The following CARF variants were observed in gnomAD, a reference collection of about 807,000 sequenced individuals.
CARF encodes calcium responsive transcription factor.
A neutral mutation model predicts 82.0 loss-of-function variants in CARF; 57 were observed. The observed-to-expected ratio is 0.70, with a 90% CI of 0.56 to 0.87. CARF has a LOEUF of 0.87. Ranked by LOEUF, CARF falls within the 40% of genes least tolerant of loss-of-function variation. The pLI is 0.00. For synonymous variants in CARF, 268 were observed against 290.1 expected (o/e 0.92, Z 0.77); for missense variants, 771 against 855.8 (o/e 0.90, Z 1.24).
At chr2:202,977,646 A>C (rs1400003315) in intron 14 of CARF, among the ~76,000 whole-genome samples, 2 of 152,102 alleles carry the variant, frequency 1.3e-5, no homozygotes, top group South Asian at 4.1e-4. Context: ...ACTATGGTCC[A>C]TTTTTTACGG....
At chr2:202,959,089 G>A (rs766654031) in intron 8 of CARF, among the ~76,000 whole-genome samples, 15 of 151,794 alleles carry the variant, frequency 9.9e-5, no homozygotes, top group Non-Finnish European at 1.9e-4. Context: ...GTATTAAAAT[G>A]TTATCTGTAA....
rs1473861336 is a variant in CARF at position 202,977,343 on chromosome 2, T to C, written c.1558+11T>C. ...TTACATTTGCAGAAGGTAGGTTTTC[T>C]TGAATACCTTTAAAATATAAATTCA... On this transcript the variant is annotated intron_variant, in intron 14 of 16. Coordinates refer to ENST00000438828, the MANE Select transcript of CARF (RefSeq NM_024744.17). 1 of 1,576,502 alleles carries C rather than the reference T, an allele frequency of 6.3e-7. No individual in the cohort carries two copies. Among genetic ancestry groups the C allele is most frequent in the South Asian group, 1.1e-5 (1 of 89,470 alleles).
rs1273746376 is a variant in CARF at position 202,912,394 on chromosome 2, A to G, written c.-1038A>G. On this transcript the variant is annotated 5_prime_UTR_variant, in exon 1 of 17. Transcript: ENST00000438828. ...ACTTCCCATGTCGCCTTGTGGGGCT[A>G]TCGGCGGCGGCAGGACTGGGGGAGT... is the stretch of plus-strand genomic sequence containing the variant. 2.0e-5 allele frequency: 3 copies of G among 151,168 alleles called. No individual in the cohort carries two copies. The highest frequency in any genetic ancestry group is 4.9e-5 in the African/African-American group (2 of 41,198). 9.4% of individuals were successfully genotyped at this position (151,168 alleles called of 1,614,324 possible). A position where few individuals can be genotyped will look rare whatever the true frequency, so the allele number is the denominator to read the frequency against.
chr2:202,976,423 C>T (rs1325682854), intron 13 of CARF, among the ~76,000 whole-genome samples: 1 of 152,110 alleles, frequency 6.6e-6, no homozygotes, highest in Non-Finnish European at 1.5e-5. Flanking sequence ...ATCTGCCCTC[C>T]TTGGCCTCCC....
intron 4 of CARF, 128 bp downstream of exon 4, chr2:202,942,108 T>G: frequency 1.5e-6 from 1 of 651,470 alleles, no homozygotes; most frequent in East Asian, 3.2e-5. Context: ...GCGTGGTGGC[T>G]GACACCTGTG....
intron 14 of CARF, among the ~76,000 whole-genome samples, chr2:202,980,998 C>T (rs1405439305): frequency 6.6e-6 from 1 of 151,964 alleles, no homozygotes; most frequent in Non-Finnish European, 1.5e-5. Context: ...TCTAGATCTA[C>T]CGAATTAAAA....
intron 12 of CARF, among the ~76,000 whole-genome samples, chr2:202,971,978 T>G (rs1669910572): frequency 6.6e-6 from 1 of 152,106 alleles, no homozygotes; most frequent in South Asian, 2.1e-4. Context: ...ACATTCTATA[T>G]TTGGATTTGG....
rs1326632598 is a variant in CARF at position 202,972,556 on chromosome 2, A to G, written c.1331+818A>G. Among the ~76,000 whole-genome samples, 5 of 151,540 alleles carry G rather than the reference A, an allele frequency of 3.3e-5. No individual in the cohort carries two copies. The East Asian group carries it at 7.8e-4, about 24-fold the overall frequency. On this transcript the variant is annotated intron_variant, in intron 12 of 16. Coordinates refer to ENST00000438828, the MANE Select transcript of CARF (RefSeq NM_024744.17). Reference sequence around the variant, plus strand: ...GCTGGGCATGGTGGCACGCACCTGTAGTCCCAGCTTCTCGGGAGGCTGAGG... The same window carrying G: ...GCTGGGCATGGTGGCACGCACCTGTGGTCCCAGCTTCTCGGGAGGCTGAGG...
At chr2:202,964,873 AC>A (rs2059479076) in intron 9 of CARF, among the ~76,000 whole-genome samples, 1 of 129,102 alleles carries the variant, frequency 7.7e-6, no homozygotes, top group Admixed American at 8.6e-5. Context: ...ATATATATAT[AC>A]ATATATGTGT....
rs1367861401 is a variant in CARF, at chr2:202,984,458, A to G, written c.*834A>G. On this transcript the variant is annotated 3_prime_UTR_variant, in exon 17 of 17. Transcript: ENST00000438828. ...AATAATAGAATTCCTTGGTGTTTACAGATAATTTGGAAAACTTTTTGATGA... is the reference window on the plus strand; with the variant it reads ...AATAATAGAATTCCTTGGTGTTTACGGATAATTTGGAAAACTTTTTGATGA... 6.6e-6 allele frequency: 1 copy of G among 152,232 alleles called. No homozygotes were observed. The highest frequency in any genetic ancestry group is 2.4e-5 in the African/African-American group (1 of 41,476). The allele number at this position is 152,232 out of a possible 1,614,324, so 9.4% of individuals were successfully genotyped here.
intron 4 of CARF, 140 bp downstream of exon 4, chr2:202,942,120 TC>T: frequency 1.7e-6 from 1 of 600,788 alleles, no homozygotes; most frequent in Non-Finnish European, 3.0e-6. Context: ...ACACCTGTGA[TC>T]CCAGCACTTT....
chr2:202,914,606 C>G (rs1004220460), intron 1 of CARF, among the ~76,000 whole-genome samples: 24 of 151,856 alleles, frequency 1.6e-4, no homozygotes, highest in African/African-American at 5.8e-4. Context: ...TGGTGAAACC[C>G]CGTCTCTGCT....
rs1484150492 is a variant in CARF at position 202,980,680 on chromosome 2, A to T, written c.1559-875A>T. On this transcript the variant is annotated intron_variant, in intron 14 of 16. Transcript: ENST00000438828. ...TATATATAGTTGTGCCTCTGTATCT[A>T]TGGGTTCTGTATCCATGGCTTCAAC... Among the ~76,000 whole-genome samples the T allele has an allele frequency of 7.8e-5, 9 of 115,036 alleles. No individual in the cohort carries two copies. The East Asian group carries it at 2.0e-3, about 26-fold the overall frequency. 75.5% of individuals were successfully genotyped at this position (115,036 alleles called of 152,430 possible).
intron 3 of CARF, among the ~76,000 whole-genome samples, chr2:202,934,905 A>G (rs575017961): frequency 2.0e-5 from 3 of 151,652 alleles, no homozygotes; most frequent in African/African-American, 4.8e-5. Context: ...GTGAAACCCC[A>G]TCTCTACCAA....
intron 2 of CARF, among the ~76,000 whole-genome samples, chr2:202,918,805 T>C (rs1033340743): frequency 9.2e-5 from 14 of 152,222 alleles, no homozygotes; most frequent in African/African-American, 3.4e-4. Context: ...ATTTCAACAA[T>C]GGGTTAGGTC....
intron 3 of CARF, among the ~76,000 whole-genome samples, chr2:202,926,475 C>T (rs990141634): frequency 5.9e-5 from 9 of 152,118 alleles, no homozygotes; most frequent in African/African-American, 4.8e-5. Context: ...ATTTTTACAC[C>T]GATACCATAA....
Position 202,917,875 on chromosome 2 carries a change from A to G in CARF, c.-329-2A>G. The G allele has an allele frequency of 3.7e-6, 1 of 268,702 alleles. No homozygotes were observed. The highest frequency in any genetic ancestry group is 3.7e-5 in the South Asian group (1 of 26,972). 16.6% of individuals were successfully genotyped at this position (268,702 alleles called of 1,614,324 possible). A position where few individuals can be genotyped will look rare whatever the true frequency, so the allele number is the denominator to read the frequency against. ...TATACATTAAATACCTTCTCATTACAGAGAAAATGCTGCTGTGAAGACCCA... is the reference window on the plus strand; with the variant it reads ...TATACATTAAATACCTTCTCATTACGGAGAAAATGCTGCTGTGAAGACCCA... On this transcript the variant is annotated splice_acceptor_variant, in intron 1 of 16. Transcript: ENST00000438828. LOFTEE classifies it low-confidence loss of function (5UTR_SPLICE).
chr2:202,929,696 G>T (rs1017911021), intron 3 of CARF, among the ~76,000 whole-genome samples: 1 of 152,036 alleles, frequency 6.6e-6, no homozygotes, highest in African/African-American at 2.4e-5. Context: ...CAAATTTTAA[G>T]GTTTTTGTTG....
At chr2:202,975,943 G>T (rs1358719937) in intron 13 of CARF, among the ~76,000 whole-genome samples, 1 of 150,734 alleles carries the variant, frequency 6.6e-6, no homozygotes, top group Non-Finnish European at 1.5e-5. Flanking sequence ...TACTTGGCAG[G>T]CTGAGGCAGG....
Sources: allele counts gnomAD v4.1 joint callset (sites outside exome capture counted in the v4.1 genomes callset), GRCh38; gene constraint gnomAD v4.1.1; transcripts MANE v1.5; gene names NCBI Gene and HGNC (gene_info 2026-07-23, HGNC 2026-07-21).